Variants in TNRC6B observed in about 807,000 individuals in gnomAD.
TNRC6B encodes trinucleotide repeat containing adaptor 6B.
A neutral mutation model predicts 203.6 loss-of-function variants in TNRC6B; 52 were observed. The observed-to-expected ratio is 0.26, with a 90% CI of 0.20 to 0.32. TNRC6B has a LOEUF of 0.32. TNRC6B is among the 10% of genes least tolerant of loss of function. TNRC6B has a pLI of 1.00. For missense variants in TNRC6B, 1,923 were observed against 2,286.2 expected, an observed-to-expected ratio of 0.84 and a Z score of 3.24; for synonymous variants, 838 against 845.7, an observed-to-expected ratio of 0.99 and a Z score of 0.16.
chr22:40,170,832 C>CT (rs2068982592), intron 4 of TNRC6B, among the ~76,000 whole-genome samples: 4 of 27,186 alleles, frequency 1.5e-4, no homozygotes, highest in African/African-American at 1.2e-3. Flanking sequence ...TGTGTATATA[C>CT]ATATATGTAC....
At chr22:40,172,992 C>T (rs1472516520), upstream of TNRC6B, among the ~76,000 whole-genome samples, 1 of 152,192 alleles carries the variant, frequency 6.6e-6, no homozygotes, top group Non-Finnish European at 1.5e-5. Flanking sequence ...TTCTCTAAAT[C>T]TGCAGTTATG....
At chr22:40,140,064 T>C (rs1019599906) in intron 3 of TNRC6B, among the ~76,000 whole-genome samples, 1 of 152,222 alleles carries the variant, frequency 6.6e-6, no homozygotes, top group Non-Finnish European at 1.5e-5. Flanking sequence ...GGTTATCCAG[T>C]TCCTCCAGCA....
At chr22:40,293,199 T>TC (rs1165455345) in intron 12 of TNRC6B, among the ~76,000 whole-genome samples, 1 of 140,246 alleles carries the variant, frequency 7.1e-6, no homozygotes, top group Non-Finnish European at 1.6e-5. Context: ...TCTTTTTTTT[T>TC]TTTTTTTTTT....
At chr22:40,262,858 T>TG (rs2070408156) in intron 4 of TNRC6B, among the ~76,000 whole-genome samples, 1 of 151,970 alleles carries the variant, frequency 6.6e-6, no homozygotes, top group Non-Finnish European at 1.5e-5. Flanking sequence ...GCTAACATGG[T>TG]GAAACCCTGT....
rs534259203 is a variant in TNRC6B at position 40,261,813 on chromosome 22, C to T, written c.116-19C>T. ...ATTTGATGTATTTCAAAGACTGTTT[C>T]CCAACCCCTCTCTTTTAGTGCCCGA... On this transcript the variant is annotated intron_variant, in intron 3 of 22. Transcript: ENST00000454349. 4 of 1,515,882 alleles carry T rather than the reference C, an allele frequency of 2.6e-6. No individual in the cohort carries two copies. The South Asian group carries it at 3.8e-5, about 14-fold the overall frequency. 93.9% of individuals were successfully genotyped at this position (1,515,882 alleles called of 1,614,324 possible). A position where few individuals can be genotyped will look rare whatever the true frequency, so the allele number is the denominator to read the frequency against.
intron 1 of TNRC6B, among the ~76,000 whole-genome samples, chr22:40,207,518 C>T (rs2069498377): frequency 6.7e-6 from 1 of 150,194 alleles, no homozygotes; most frequent in African/African-American, 2.4e-5. Flanking sequence ...AACTTAAAGT[C>T]ACCAAATGAC....
chr22:40,263,204 G>A (rs745958461), intron 4 of TNRC6B, among the ~76,000 whole-genome samples: 1 of 152,212 alleles, frequency 6.6e-6, no homozygotes, highest in Non-Finnish European at 1.5e-5. Flanking sequence ...TTAGGCATTG[G>A]CAAAGATAAT....
intron 1 of TNRC6B, among the ~76,000 whole-genome samples, chr22:40,078,497 C>G (rs1445369768): frequency 1.3e-5 from 2 of 152,070 alleles, no homozygotes; most frequent in Non-Finnish European, 2.9e-5. Context: ...GCACTCCAGC[C>G]AGGAGATGGA....
chr22:40,116,305 T>C lies in TNRC6B; in HGVS notation c.-120-750T>C, dbSNP rs2146316967. Among the ~76,000 whole-genome samples the C allele has an allele frequency of 2.0e-5, 3 of 152,340 alleles. No homozygotes were observed. The South Asian group carries it at 6.2e-4, about 32-fold the overall frequency. ...ATTGCTTTGAGCACCTACACACACA[T>C]AGGTAGCTCCAACCTTGAGGAGCAT... On this transcript the variant is annotated intron_variant, in intron 1 of 23. Coordinates refer to the TNRC6B transcript ENST00000301923.
intron 15 of TNRC6B, among the ~76,000 whole-genome samples, chr22:40,305,484 A>G (rs528377736): frequency 1.4e-4 from 22 of 152,302 alleles, no homozygotes; most frequent in Admixed American, 1.4e-3. Context: ...GCGAAGCACC[A>G]TCTCTTCTTT....
At chr22:40,107,035 C>T (rs2068290334) in intron 1 of TNRC6B, 2 of 997,046 alleles carry the variant, frequency 2.0e-6, no homozygotes, top group Admixed American at 1.8e-5. Flanking sequence ...ACAGCAGGAA[C>T]CTTCTTCTTC....
At chr22:40,225,062 A>G (rs1389736888) in intron 1 of TNRC6B, among the ~76,000 whole-genome samples, 1 of 152,258 alleles carries the variant, frequency 6.6e-6, no homozygotes, top group African/African-American at 2.4e-5. Context: ...TGACAAACTT[A>G]GATGCCAGAT....
chr22:40,294,073 C>CAAAAAA (rs11354611), intron 12 of TNRC6B, among the ~76,000 whole-genome samples: 3 of 80,296 alleles, frequency 3.7e-5, no homozygotes, highest in African/African-American at 9.9e-5. Context: ...CCCATCTCTA[C>CAAAAAA]AAAAAAAAAA....
intron 1 of TNRC6B, among the ~76,000 whole-genome samples, chr22:40,112,159 C>T (rs533396462): frequency 2.0e-5 from 3 of 151,982 alleles, no homozygotes; most frequent in East Asian, 1.9e-4. Context: ...GTGTGGACTC[C>T]GGAGGAGGAA....
intron 1 of TNRC6B, among the ~76,000 whole-genome samples, chr22:40,187,516 A>G (rs1419899340): frequency 2.6e-5 from 4 of 152,224 alleles, no homozygotes; most frequent in East Asian, 1.9e-4. Context: ...AAACAGATCC[A>G]GCAGGAGGGG....
intron 3 of TNRC6B, among the ~76,000 whole-genome samples, chr22:40,154,860 AATATATATATATATATATATATATAT>A (rs71199273): frequency 4.2e-5 from 1 of 23,586 alleles, no homozygotes; most frequent in Admixed American, 7.5e-4. Context: ...AAAAAAAAAA[AATATATATATATATATATATATATAT>A]ATATATATAC....
At chr22:40,108,105 G>A (rs1309858363) in intron 1 of TNRC6B, among the ~76,000 whole-genome samples, 1 of 152,136 alleles carries the variant, frequency 6.6e-6, no homozygotes, top group East Asian at 1.9e-4. Flanking sequence ...GCAGGGAGAT[G>A]ATTTTGCAGT....
chr22:40,280,635 T>C (rs538560672), intron 10 of TNRC6B, among the ~76,000 whole-genome samples: 2 of 152,392 alleles, frequency 1.3e-5, no homozygotes, highest in South Asian at 4.1e-4. Flanking sequence ...TTGGTTTTGA[T>C]GTTTAACATT....
chr22:40,063,334 C>T lies in TNRC6B; in HGVS notation c.-121+18336C>T, dbSNP rs557363476. On this transcript the variant is annotated intron_variant, in intron 1 of 23. Coordinates refer to the TNRC6B transcript ENST00000301923. ...CACTGATTATTGTAGTTTTGTATTACGTTTTGAGATTAGGGAGTTTGAGTC... is the reference window on the plus strand; with the variant it reads ...CACTGATTATTGTAGTTTTGTATTATGTTTTGAGATTAGGGAGTTTGAGTC... Among the ~76,000 whole-genome samples, 10 of 152,158 alleles carry T rather than the reference C, an allele frequency of 6.6e-5. No homozygotes were observed. In the East Asian group the frequency reaches 1.2e-3, roughly 18 times the overall value.
Sources: allele counts gnomAD v4.1 joint callset (sites outside exome capture counted in the v4.1 genomes callset), GRCh38; gene constraint gnomAD v4.1.1; transcripts MANE v1.5; gene names NCBI Gene and HGNC (gene_info 2026-07-23, HGNC 2026-07-21).